Variants in DCAF1 observed in about 807,000 individuals in gnomAD.
The protein encoded by DCAF1 is DDB1 and CUL4 associated factor 1, also known as DDB1- and CUL4-associated factor 1.
DCAF1 carries 15 observed loss-of-function variants against 128.0 expected under a neutral mutation model. The ratio of observed to expected loss-of-function variants is 0.12; its 90% CI spans 0.08 to 0.18. The LOEUF is 0.18. Among genes scored for constraint, DCAF1 ranks in the 10% least tolerant of loss-of-function variants. The probability of loss-of-function intolerance (pLI) is 1.00; values close to 1 mark genes in which losing one functional copy is unlikely to be tolerated. For synonymous variants in DCAF1, 610 were observed against 603.0 expected, an observed-to-expected ratio of 1.01 and a Z score of -0.17; for missense variants, 988 against 1,649.5, an observed-to-expected ratio of 0.60 and a Z score of 6.95.
chr3:51,421,288 G>T (rs1559491455), intron 14 of DCAF1, among the ~76,000 whole-genome samples: 1 of 151,986 alleles, frequency 6.6e-6, no homozygotes, highest in African/African-American at 2.4e-5. Flanking sequence ...GCAGAGTCTC[G>T]CTCTGTCGCC....
At chr3:51,446,291 C>T (rs1331557020) in intron 6 of DCAF1, among the ~76,000 whole-genome samples, 3 of 152,128 alleles carry the variant, frequency 2.0e-5, no homozygotes, top group African/African-American at 7.2e-5. Flanking sequence ...TTAGCCACCG[C>T]ACCCGGCCAA....
chr3:51,471,182 A>T (rs946035063), intron 3 of DCAF1, among the ~76,000 whole-genome samples, 177 bp from the exon 4 acceptor site: 1 of 149,720 alleles, frequency 6.7e-6, no homozygotes, highest in Admixed American at 6.9e-5. Flanking sequence ...CCTCTCCCAA[A>T]CTCATTCTTT....
intron 6 of DCAF1, among the ~76,000 whole-genome samples, chr3:51,446,116 C>T (rs1178085528): frequency 6.6e-6 from 1 of 151,532 alleles, no homozygotes; most frequent in Non-Finnish European, 1.5e-5. Context: ...GCCTTGGCCT[C>T]CCGAGTAGCT....
At chr3:51,474,640 G>C in intron 3 of DCAF1, among the ~76,000 whole-genome samples, 1 of 150,866 alleles carries the variant, frequency 6.6e-6, no homozygotes, top group East Asian at 1.9e-4. Context: ...TAAGAGACAG[G>C]GTCTCACTGT....
At chr3:51,480,862 CCTCA>C (rs759653983) in intron 3 of DCAF1, among the ~76,000 whole-genome samples, 45 of 152,118 alleles carry the variant, frequency 3.0e-4, no homozygotes, top group Non-Finnish European at 5.9e-4. Flanking sequence ...ACACGTGTTT[CCTCA>C]CTAAATTGTA....
At chr3:51,500,116 GAAAAAAAAAAAA>G (rs55767863), upstream of DCAF1, 8 of 27,856 alleles carry the variant, frequency 2.9e-4, no homozygotes, top group East Asian at 5.2e-3. Flanking sequence ...CACGATCGGG[GAAAAAAAAAAAA>G]AAAAAAAAAA....
intron 13 of DCAF1, among the ~76,000 whole-genome samples, chr3:51,426,215 CT>C (rs535315482): frequency 4.2e-4 from 62 of 146,770 alleles, no homozygotes; most frequent in South Asian, 6.4e-4. Flanking sequence ...AATGGGTTCA[CT>C]TTTTTTTTTT....
At chr3:51,443,022 T>C (rs1701508746) in intron 7 of DCAF1, among the ~76,000 whole-genome samples, 1 of 151,948 alleles carries the variant, frequency 6.6e-6, no homozygotes, top group Non-Finnish European at 1.5e-5. Context: ...ATGGCACATG[T>C]TTACCTATGT....
chr3:51,417,698 C>T (rs375189561), intron 17 of DCAF1, among the ~76,000 whole-genome samples: 8 of 145,330 alleles, frequency 5.5e-5, no homozygotes, highest in African/African-American at 1.3e-4. Flanking sequence ...CCAGCCTGGG[C>T]GACAGAACGA....
chr3:51,454,152 C>T (rs992942693), intron 6 of DCAF1, among the ~76,000 whole-genome samples: 2 of 152,278 alleles, frequency 1.3e-5, no homozygotes, highest in East Asian at 1.9e-4. Context: ...AAGCGATCCT[C>T]CCGCCTCAGC....
intron 18 of DCAF1, 108 bp from the exon 19 acceptor site, chr3:51,414,965 A>C: frequency 1.4e-6 from 2 of 1,438,718 alleles, no homozygotes; most frequent in Non-Finnish European, 1.9e-6. Context: ...CAAATTCTCC[A>C]CATGGATCAA....
chr3:51,491,215 G>A (rs1707601340), intron 2 of DCAF1, among the ~76,000 whole-genome samples: 1 of 151,756 alleles, frequency 6.6e-6, no homozygotes, highest in African/African-American at 2.4e-5. Flanking sequence ...GGGCGTGTTG[G>A]CACGCACCTG....
intron 9 of DCAF1, among the ~76,000 whole-genome samples, chr3:51,435,675 C>T (rs961026309): frequency 3.4e-5 from 5 of 147,720 alleles, no homozygotes; most frequent in Admixed American, 6.8e-5. Context: ...CATGCCACTG[C>T]ACTCCAGCCT....
downstream of DCAF1, chr3:51,397,640 C>T (rs1162220946): frequency 1.2e-5 from 2 of 167,024 alleles, no homozygotes; most frequent in East Asian, 3.9e-4. Context: ...ATTACCCTTA[C>T]AAAAACAGGC....
intron 3 of DCAF1, among the ~76,000 whole-genome samples, chr3:51,471,875 A>G (rs1412094467): frequency 6.6e-6 from 1 of 151,948 alleles, no homozygotes; most frequent in Non-Finnish European, 1.5e-5. Flanking sequence ...GTCTCAAAAA[A>G]AAAAACCTTC....
At chr3:51,457,632 T>G (rs547890003) in intron 6 of DCAF1, among the ~76,000 whole-genome samples, 1 of 152,020 alleles carries the variant, frequency 6.6e-6, no homozygotes, top group East Asian at 1.9e-4. Flanking sequence ...AAAGTTGAAA[T>G]GAAGGAAAAA....
chr3:51,471,594 A>G (rs1292832729), intron 3 of DCAF1, among the ~76,000 whole-genome samples: 1 of 152,034 alleles, frequency 6.6e-6, no homozygotes, highest in Non-Finnish European at 1.5e-5. Flanking sequence ...CTTGCTGGGC[A>G]TGATGGCTCA....
At position 51,418,844 on chromosome 3, in the gene DCAF1, T is replaced by C. The variant is rs781828973; in HGVS notation, c.3269A>G (p.Asn1090Ser). 31 of 1,613,596 alleles carry C rather than the reference T, an allele frequency of 1.9e-5. No individual in the cohort carries two copies. The highest frequency in any genetic ancestry group is 1.6e-4 in the Middle Eastern group (1 of 6,082). The part of the protein sequence containing the change: ...FRPISVFREA[N>S]EDESGFTCCA... ...GCAGGTGAAGCCACTCTCATCTTCA[T>C]TGGCTTCCCGGAACACTGAAATAGG... The change falls in exon 16 of 25, where the codon AAT (asparagine) becomes AGT (serine). Residue 1090 changes from asparagine (N) to serine (S), a missense_variant. Asn to Ser is a conservative substitution (Grantham distance 46). This residue lies in a region of DCAF1 where 105 missense variants were observed against 266.7 expected (regional missense o/e 0.39). Transcript: ENST00000684031.
At chr3:51,425,790 C>T (rs1270139801) in intron 13 of DCAF1, among the ~76,000 whole-genome samples, 7 of 151,914 alleles carry the variant, frequency 4.6e-5, no homozygotes, top group Non-Finnish European at 1.0e-4. Context: ...TCTCGAACTC[C>T]TGATCTCAAG....
Sources: gnomAD v4.1 joint callset for allele counts (sites outside exome capture counted in the v4.1 genomes callset) on GRCh38, gnomAD v4.1.1 for gene constraint, gnomAD v4.1.1 regional missense constraint, MANE v1.5 for transcripts, NCBI Gene and HGNC (gene_info 2026-07-23, HGNC 2026-07-21) for gene names.